CNTNAP5: variants seen among roughly 807,000 people sequenced by gnomAD.
The protein encoded by CNTNAP5 is contactin-associated protein-like 5.
Under a neutral mutation model 150.2 loss-of-function variants are expected in CNTNAP5, and 72 were observed. The observed-to-expected ratio is 0.48, with a 90% CI of 0.40 to 0.58. The LOEUF (loss-of-function observed/expected upper bound fraction) is 0.58. CNTNAP5 is among the 20% of genes least tolerant of loss of function. The probability of loss-of-function intolerance (pLI) is 0.00; values close to 1 mark genes in which losing one functional copy is unlikely to be tolerated. For missense variants in CNTNAP5, 1,636 were observed against 1,626.2 expected (o/e 1.01, Z -0.10); for synonymous variants, 672 against 619.8 (o/e 1.08, Z -1.25).
intron 13 of CNTNAP5, among the ~76,000 whole-genome samples, chr2:124,705,302 G>C (rs537280581): frequency 6.6e-6 from 1 of 151,932 alleles, no homozygotes; most frequent in Non-Finnish European, 1.5e-5. Context: ...CCGAGGCAGG[G>C]GGATCACCTG....
At chr2:124,544,576 A>G (rs969808822) in intron 10 of CNTNAP5, among the ~76,000 whole-genome samples, 2 of 151,620 alleles carry the variant, frequency 1.3e-5, no homozygotes, top group Non-Finnish European at 2.9e-5. Flanking sequence ...GCAATGGAAC[A>G]CTGTGTGGTG....
intron 22 of CNTNAP5, among the ~76,000 whole-genome samples, chr2:124,907,040 C>A (rs2104764400): frequency 6.6e-6 from 1 of 152,058 alleles, no homozygotes; most frequent in Admixed American, 6.6e-5. Flanking sequence ...GGATGCCCGG[C>A]ACTATATCAT....
At chr2:124,533,713 TC>T (rs539022127) in intron 10 of CNTNAP5, among the ~76,000 whole-genome samples, 29 of 152,308 alleles carry the variant, frequency 1.9e-4, no homozygotes, top group Admixed American at 1.6e-3. Flanking sequence ...GCTTTCCTGA[TC>T]TTCCTCTCTC....
chr2:124,670,567 C>G (rs1678801193), intron 13 of CNTNAP5, among the ~76,000 whole-genome samples: 2 of 151,236 alleles, frequency 1.3e-5, no homozygotes, highest in Admixed American at 1.3e-4. Flanking sequence ...TTGATGAAGC[C>G]CAATTGAACT....
chr2:124,369,264 T>C lies in CNTNAP5; in HGVS notation c.382-48179T>C, dbSNP rs532412904. ...TTGTATATTTTCATAGAAAGAAACC[T>C]TGGAGGCCACTGAGCCTAATGGAAA... On this transcript the variant is annotated intron_variant, in intron 3 of 23. Transcript: ENST00000682447. 2.0e-4 allele frequency among the ~76,000 whole-genome samples: 31 copies of C among 152,262 alleles called. No individual in the cohort carries two copies. The South Asian group carries it at 6.2e-3, about 31-fold the overall frequency.
intron 13 of CNTNAP5, among the ~76,000 whole-genome samples, chr2:124,712,890 G>A (rs1679837146): frequency 6.6e-6 from 1 of 152,084 alleles, no homozygotes; most frequent in Admixed American, 6.6e-5. Context: ...GGGATTAAAG[G>A]TGTGAGCTGT....
At chr2:124,846,508 C>T (rs1314366880) in intron 19 of CNTNAP5, among the ~76,000 whole-genome samples, 1 of 151,930 alleles carries the variant, frequency 6.6e-6, no homozygotes, top group Non-Finnish European at 1.5e-5. Flanking sequence ...TAATTTGGAC[C>T]TCACCTTTCT....
At chr2:124,680,587 G>A (rs990280829) in intron 13 of CNTNAP5, 11 of 151,716 alleles carry the variant, frequency 7.3e-5, no homozygotes, top group African/African-American at 2.4e-4. Flanking sequence ...TCTCCTCAGG[G>A]GCATATTCTG....
chr2:124,129,966 C>T (rs968481725), intron 1 of CNTNAP5, among the ~76,000 whole-genome samples: 1 of 152,104 alleles, frequency 6.6e-6, no homozygotes, highest in African/African-American at 2.4e-5. Context: ...ATTACATGCA[C>T]AGAAGGAAAG....
In CNTNAP5 at chr2:124,911,427, T is replaced by C. The variant is rs765464459; in HGVS notation, c.3656-40T>C. The C allele has an allele frequency of 2.0e-6, 3 of 1,483,034 alleles. No homozygotes were observed. The South Asian group carries it at 3.6e-5, about 18-fold the overall frequency. 91.9% of individuals were successfully genotyped at this position (1,483,034 alleles called of 1,614,324 possible). ...CACTGTAGGCTTCTTGCCAGTGCTT[T>C]GAGTGAGAAGTAAAGTCCCATGTCT... On this transcript the variant is annotated intron_variant, in intron 22 of 23. Transcript: ENST00000682447.
chr2:124,364,069 C>G (rs143231273), intron 3 of CNTNAP5, among the ~76,000 whole-genome samples: 1 of 152,232 alleles, frequency 6.6e-6, no homozygotes, highest in Non-Finnish European at 1.5e-5. Flanking sequence ...TGAAGAGTAG[C>G]TCCCATTTCA....
chr2:124,445,601 A>G (rs1574504), intron 5 of CNTNAP5, among the ~76,000 whole-genome samples: 27,004 of 152,096 alleles, frequency 0.18, 2,883 homozygotes, highest in Non-Finnish European at 0.24. Context: ...GAAGCAACCA[A>G]GTTACTCAGT....
At chr2:124,387,647 T>C (rs1690964594) in intron 3 of CNTNAP5, among the ~76,000 whole-genome samples, 1 of 152,084 alleles carries the variant, frequency 6.6e-6, no homozygotes, top group Non-Finnish European at 1.5e-5. Context: ...TGGGGGAGAT[T>C]ACAAAGTACA....
intron 11 of CNTNAP5, among the ~76,000 whole-genome samples, chr2:124,576,156 CTAT>C (rs1372938885): frequency 1.3e-5 from 2 of 152,036 alleles, no homozygotes; most frequent in African/African-American, 4.8e-5. Context: ...ATATCTATAT[CTAT>C]ATCTATATCT....
At chr2:124,371,684 A>C (rs1363627088) in intron 3 of CNTNAP5, among the ~76,000 whole-genome samples, 1 of 152,088 alleles carries the variant, frequency 6.6e-6, no homozygotes, top group Non-Finnish European at 1.5e-5. Context: ...GCTGGGTAAC[A>C]GTAAATGTGG....
In CNTNAP5 at chr2:124,429,695, C is replaced by T. The variant is rs560668913; in HGVS notation, c.530-4789C>T. On this transcript the variant is annotated intron_variant, in intron 4 of 23. Transcript: ENST00000682447. ...CCCCACCAGGCTAGTTCTGTGCTTA[C>T]TAAAGGCCGTGCATCCTCTCTGCAC... Among the ~76,000 whole-genome samples, 4 of 152,306 alleles carry T rather than the reference C, an allele frequency of 2.6e-5. No homozygotes were observed. The East Asian group carries it at 7.8e-4, about 30-fold the overall frequency.
At chr2:124,341,244 C>T (rs919354677) in intron 3 of CNTNAP5, among the ~76,000 whole-genome samples, 37 of 152,028 alleles carry the variant, frequency 2.4e-4, no homozygotes, top group Non-Finnish European at 5.9e-5. Flanking sequence ...GACAGGGGAG[C>T]TTACAGAGAC....
chr2:124,476,408 G>C (rs1350721445), intron 7 of CNTNAP5, among the ~76,000 whole-genome samples: 1 of 152,094 alleles, frequency 6.6e-6, no homozygotes, highest in Non-Finnish European at 1.5e-5. Context: ...ACTCATGACT[G>C]CTGCCCATGT....
intron 1 of CNTNAP5, among the ~76,000 whole-genome samples, chr2:124,052,661 A>G (rs150146103): frequency 6.6e-6 from 1 of 152,268 alleles, no homozygotes; most frequent in East Asian, 1.9e-4. Context: ...CTCTTACTGC[A>G]TCTTCCCCCT....
Sources: allele counts gnomAD v4.1 joint callset (sites outside exome capture counted in the v4.1 genomes callset), GRCh38; gene constraint gnomAD v4.1.1; transcripts MANE v1.5; gene names NCBI Gene and HGNC (gene_info 2026-07-23, HGNC 2026-07-21).